Variants in MAPDA observed in about 807,000 individuals in gnomAD.
MAPDA encodes N6,N6-dimethyl-AMP deaminase.
chr15:43,347,122 A>G, the MAPDA span: 1 of 1,575,674 alleles, frequency 6.3e-7, no homozygotes, highest in Non-Finnish European at 8.7e-7. Context: ...TTAGGCTAGA[A>G]GGGACAGATT....
chr15:43,340,627 C>A, the MAPDA span, among the ~76,000 whole-genome samples: 1 of 152,162 alleles, frequency 6.6e-6, no homozygotes, highest in Admixed American at 6.5e-5. Context: ...CTGGGCCCAA[C>A]AATCACCTCA....
chr15:43,331,087 C>T, the MAPDA span, among the ~76,000 whole-genome samples: 1 of 152,216 alleles, frequency 6.6e-6, no homozygotes, highest in Non-Finnish European at 1.5e-5. Context: ...AAGAAACCGA[C>T]CTTTACAAAT....
the MAPDA span, chr15:43,346,019 G>A: frequency 1.2e-6 from 2 of 1,611,282 alleles, no homozygotes; most frequent in African/African-American, 1.3e-5. Context: ...ATTCTAAAAG[G>A]TAGAATCAGT....
At chr15:43,343,217 T>C in the MAPDA span, 1 of 557,422 alleles carries the variant, frequency 1.8e-6, no homozygotes, top group Non-Finnish European at 3.0e-6. Context: ...AGGACCCTGT[T>C]GTTTAAAGTG....
the MAPDA span, chr15:43,352,279 A>T: frequency 3.4e-5 from 7 of 203,244 alleles, no homozygotes; most frequent in African/African-American, 1.6e-4. Flanking sequence ...TGGAATTACT[A>T]GTATAAAGTT....
the MAPDA span, among the ~76,000 whole-genome samples, chr15:43,343,593 A>G: frequency 5.9e-5 from 9 of 152,208 alleles, no homozygotes; most frequent in African/African-American, 2.2e-4. Flanking sequence ...CACTCTGTCT[A>G]AAGTGCCCTA....
chr15:43,345,624 G>A, the MAPDA span, among the ~76,000 whole-genome samples: 3 of 152,088 alleles, frequency 2.0e-5, no homozygotes, highest in Non-Finnish European at 2.9e-5. Context: ...AAAAAACCTC[G>A]AAAGACAACT....
At chr15:43,354,429 C>A in the MAPDA span, 1 of 152,032 alleles carries the variant, frequency 6.6e-6, no homozygotes, top group African/African-American at 2.4e-5. Flanking sequence ...ATTGCAGTCA[C>A]TAAAAATGTT....
chr15:43,336,418 A>G, the MAPDA span, among the ~76,000 whole-genome samples: 17 of 150,714 alleles, frequency 1.1e-4, no homozygotes, highest in Admixed American at 2.6e-4. Flanking sequence ...GAGAAGGGGT[A>G]CTATTATTTC....
the MAPDA span, chr15:43,349,218 A>T: frequency 7.1e-7 from 1 of 1,415,374 alleles, no homozygotes; most frequent in Non-Finnish European, 9.2e-7. Flanking sequence ...TTTAGCTTCC[A>T]TTAGAATATA....
chr15:43,336,503 A>G, the MAPDA span: 1 of 695,330 alleles, frequency 1.4e-6, no homozygotes, highest in South Asian at 2.3e-5. Context: ...TTTTTGAAAC[A>G]TCTATTCTGT....
chr15:43,339,271 G>T, the MAPDA span, among the ~76,000 whole-genome samples: 1 of 152,208 alleles, frequency 6.6e-6, no homozygotes, highest in Non-Finnish European at 1.5e-5. Context: ...GAATGCAGAT[G>T]TATTATCTTT....
the MAPDA span, among the ~76,000 whole-genome samples, chr15:43,344,060 G>A: frequency 6.6e-6 from 1 of 152,080 alleles, no homozygotes; most frequent in African/African-American, 2.4e-5. Flanking sequence ...GTAAGCATAT[G>A]TAATTAATAA....
chr15:43,349,027 C>A, the MAPDA span: 2 of 1,614,172 alleles, frequency 1.2e-6, no homozygotes. Context: ...CTTTGTGAGG[C>A]AACATCGGAT....
the MAPDA span, among the ~76,000 whole-genome samples, chr15:43,350,129 C>T: frequency 2.6e-5 from 4 of 151,922 alleles, no homozygotes; most frequent in East Asian, 7.7e-4. Context: ...AGTGCAGTGG[C>T]GCGATAGCTC....
At chr15:43,347,398 G>A in the MAPDA span, among the ~76,000 whole-genome samples, 1 of 152,042 alleles carries the variant, frequency 6.6e-6, no homozygotes, top group African/African-American at 2.4e-5. Flanking sequence ...CTTGTCATTG[G>A]CAAGCTGACT....
At chr15:43,345,294 T>C in the MAPDA span, among the ~76,000 whole-genome samples, 3 of 147,182 alleles carry the variant, frequency 2.0e-5, no homozygotes, top group African/African-American at 7.5e-5. Context: ...GCAGAGATTG[T>C]AGTGAGCCCG....
the MAPDA span, among the ~76,000 whole-genome samples, chr15:43,347,836 C>T: frequency 6.6e-6 from 1 of 152,088 alleles, no homozygotes; most frequent in African/African-American, 2.4e-5. Context: ...AACCCCTTGC[C>T]AGTACTTGTA....
chr15:43,349,914 A>G, the MAPDA span, among the ~76,000 whole-genome samples: 2 of 152,214 alleles, frequency 1.3e-5, no homozygotes, highest in African/African-American at 4.8e-5. Flanking sequence ...CAGAGGGGGC[A>G]GCTTGGGTTT....
Sources: gnomAD v4.1 joint callset for allele counts (sites outside exome capture counted in the v4.1 genomes callset) on GRCh38, gnomAD v4.1.1 for gene constraint, MANE v1.5 for transcripts, NCBI Gene and HGNC (gene_info 2026-07-23, HGNC 2026-07-21) for gene names.